The following WDR12 variants were observed in gnomAD, a reference collection of about 807,000 sequenced individuals.
The protein encoded by WDR12 is WD repeat domain 12.
WDR12 carries 42 observed loss-of-function variants against 64.3 expected under a neutral mutation model. The ratio of observed to expected loss-of-function variants is 0.65; its 90% CI spans 0.51 to 0.84. The LOEUF (loss-of-function observed/expected upper bound fraction) is 0.84, where lower values mean the gene tolerates loss of function less well. Among genes scored for constraint, WDR12 ranks in the 40% least tolerant of loss-of-function variants. WDR12 has a pLI of 0.00. For synonymous variants in WDR12, 158 were observed against 173.3 expected (o/e 0.91, Z 0.70); for missense variants, 469 against 494.6 (o/e 0.95, Z 0.49).
chr2:202,875,612 T>A lies in WDR12; in HGVS notation c.*5248A>T, dbSNP rs2105899895. The A allele has an allele frequency of 6.6e-6, 1 of 152,298 alleles. No individual in the cohort carries two copies. Among genetic ancestry groups the A allele is most frequent in the Middle Eastern group, 3.4e-3 (1 of 294 alleles). The allele number at this position is 152,298 out of a possible 1,614,324, so 9.4% of individuals were successfully genotyped here. On this transcript the variant is annotated 3_prime_UTR_variant, in exon 13 of 13. Transcript: ENST00000261015. ...CATGTTGGTCAGGCTATTCTTGAAC[T>A]CCCGACCTCAGATGATATGCCCACC... is the stretch of plus-strand genomic sequence containing the variant.
intron 8 of WDR12, among the ~76,000 whole-genome samples, chr2:202,886,056 G>A (rs772885227): frequency 1.3e-5 from 2 of 151,594 alleles, no homozygotes; most frequent in Non-Finnish European, 2.9e-5. Flanking sequence ...GTGGGCCACT[G>A]CACTCGGCCC....
chr2:202,887,038 T>C (rs75232035), intron 8 of WDR12, among the ~76,000 whole-genome samples: 81 of 152,346 alleles, frequency 5.3e-4, no homozygotes, highest in African/African-American at 1.9e-3. Flanking sequence ...TGTTTTTTGT[T>C]TTTTTGAGAT....
chr2:202,902,881 C>G (rs1368417675), intron 2 of WDR12, among the ~76,000 whole-genome samples: 1 of 152,148 alleles, frequency 6.6e-6, no homozygotes, highest in African/African-American at 2.4e-5. Flanking sequence ...TCAAGACCAG[C>G]CTGACCAGCA....
In WDR12 at chr2:202,911,295, C is replaced by G. The variant is rs765534915; in HGVS notation, c.41+141G>C. ...CACAATTCAAATTATATAGAACCTA[C>G]GAAGCTGGTTAGAAAGCAGGTAATC... On this transcript the variant is annotated intron_variant, in intron 1 of 12. Transcript: ENST00000261015. 8 of 791,350 alleles carry G rather than the reference C, an allele frequency of 1.0e-5. No homozygotes were observed. In the African/African-American group the frequency reaches 1.2e-4, roughly 12 times the overall value. 49.0% of individuals were successfully genotyped at this position (791,350 alleles called of 1,614,324 possible). A position where few individuals can be genotyped will look rare whatever the true frequency, so the allele number is the denominator to read the frequency against.
At chr2:202,886,960 TAC>T (rs2105904289) in intron 8 of WDR12, among the ~76,000 whole-genome samples, 1 of 152,290 alleles carries the variant, frequency 6.6e-6, no homozygotes, top group East Asian at 1.9e-4. Context: ...TTGGAGACCA[TAC>T]ACAGTTTCTG....
At chr2:202,886,084 G>A (rs558321483) in intron 8 of WDR12, among the ~76,000 whole-genome samples, 40 of 151,848 alleles carry the variant, frequency 2.6e-4, no homozygotes, top group Admixed American at 1.0e-3. Flanking sequence ...TTTTAATAAG[G>A]GGTTGTTTTT....
At chr2:202,894,305 C>T (rs1234740453) in intron 7 of WDR12, among the ~76,000 whole-genome samples, 1 of 151,964 alleles carries the variant, frequency 6.6e-6, no homozygotes, top group Admixed American at 6.6e-5. Flanking sequence ...AAACCTCAAA[C>T]TCCTAGGCTC....
chr2:202,881,710 G>T (rs1687951646), intron 12 of WDR12, among the ~76,000 whole-genome samples: 2 of 152,076 alleles, frequency 1.3e-5, no homozygotes, highest in Non-Finnish European at 1.5e-5. Flanking sequence ...AAGCCCAGGA[G>T]TTCAAGCCTC....
chr2:202,900,926 T>G, intron 3 of WDR12, 99 bp downstream of exon 3: 1 of 907,446 alleles, frequency 1.1e-6, no homozygotes, highest in Non-Finnish European at 1.6e-6. Context: ...AAAGAATCTT[T>G]GCTACTAAAG....
intron 2 of WDR12, 65 bp from the exon 3 acceptor site, chr2:202,901,184 G>A: frequency 2.4e-6 from 3 of 1,260,216 alleles, no homozygotes; most frequent in African/African-American, 1.5e-5. Flanking sequence ...AGAGGTATAT[G>A]AGAACTCCCA....
chr2:202,891,325 T>C (rs941499853), intron 8 of WDR12, among the ~76,000 whole-genome samples: 3 of 152,310 alleles, frequency 2.0e-5, no homozygotes, highest in East Asian at 1.9e-4. Context: ...TTTTAAAAAA[T>C]TTTTTGTAGA....
chr2:202,884,561 G>A (rs771702698), intron 8 of WDR12, 26 bp from the exon 9 acceptor site: 2 of 1,594,174 alleles, frequency 1.3e-6, no homozygotes, highest in East Asian at 4.5e-5. Context: ...CCCAAAAGGG[G>A]AAAGTGTTTT....
intron 2 of WDR12, among the ~76,000 whole-genome samples, chr2:202,902,785 G>GT (rs1361598651): frequency 6.6e-6 from 1 of 152,176 alleles, no homozygotes; most frequent in Non-Finnish European, 1.5e-5. Context: ...TTGTGATCGT[G>GT]TGAGTCAATA....
In WDR12 at chr2:202,877,022, T is replaced by C. The variant is rs1331340451; in HGVS notation, c.*3838A>G. The C allele has an allele frequency of 6.6e-6, 1 of 152,082 alleles. No individual in the cohort carries two copies. The highest frequency in any genetic ancestry group is 2.4e-5 in the African/African-American group (1 of 41,430). The allele number at this position is 152,082 out of a possible 1,614,324, so 9.4% of individuals were successfully genotyped here. On this transcript the variant is annotated 3_prime_UTR_variant, in exon 13 of 13. Transcript: ENST00000261015. ...TATATAGTAAACTGTTACCTTTTTT[T>C]CAAAACTACGATACATCAAAAGAAT...
chr2:202,905,880 TG>T, intron 2 of WDR12, among the ~76,000 whole-genome samples: 1 of 152,174 alleles, frequency 6.6e-6, no homozygotes, highest in Admixed American at 6.5e-5. Flanking sequence ...AGAAGGGTAG[TG>T]GGGGAAGTGA....
intron 11 of WDR12, 135 bp downstream of exon 11, chr2:202,883,474 G>T: frequency 8.9e-7 from 1 of 1,118,830 alleles, no homozygotes; most frequent in Non-Finnish European, 1.2e-6. Flanking sequence ...TTGCATATCA[G>T]TATTTGTCAC....
At chr2:202,897,899 AAAAAAAAAAATATATATATATATAT>A in intron 4 of WDR12, among the ~76,000 whole-genome samples, 1 of 56,560 alleles carries the variant, frequency 1.8e-5, no homozygotes, top group Non-Finnish European at 4.2e-5. Context: ...AAAAAAAAAA[AAAAAAAAAAATATATATATATATAT>A]AAAAAATATA....
chr2:202,909,189 T>C (rs1688518642), intron 1 of WDR12, among the ~76,000 whole-genome samples: 1 of 152,144 alleles, frequency 6.6e-6, no homozygotes, highest in African/African-American at 2.4e-5. Context: ...CTCCTAAGCA[T>C]ATATGCAAGA....
intron 6 of WDR12, 80 bp from the exon 7 acceptor site, chr2:202,894,706 AT>A: frequency 4.3e-6 from 5 of 1,168,954 alleles, no homozygotes; most frequent in Non-Finnish European, 6.0e-6. Flanking sequence ...TCTCTTCCTC[AT>A]TCAGGACCTT....
Sources: allele counts gnomAD v4.1 joint callset (sites outside exome capture counted in the v4.1 genomes callset), GRCh38; gene constraint gnomAD v4.1.1; transcripts MANE v1.5; gene names NCBI Gene and HGNC (gene_info 2026-07-23, HGNC 2026-07-21).